C22orf31: variants seen among roughly 807,000 people sequenced by gnomAD.
C22orf31 encodes the protein chromosome 22 open reading frame 31.
C22orf31 carries 11 observed loss-of-function variants against 15.0 expected under a neutral mutation model. The ratio of observed to expected loss-of-function variants is 0.73; its 90% CI spans 0.46 to 1.21. The LOEUF (loss-of-function observed/expected upper bound fraction) is 1.21. C22orf31 is among the 50% of genes most tolerant of loss of function. The pLI, the probability that C22orf31 is intolerant of heterozygous loss-of-function variation, is 0.00. For synonymous variants in C22orf31, 132 were observed against 133.3 expected, an observed-to-expected ratio of 0.99 and a Z score of 0.07; for missense variants, 340 against 347.2, an observed-to-expected ratio of 0.98 and a Z score of 0.17.
chr22:29,069,316 C>G, the C22orf31 span, among the ~76,000 whole-genome samples: 1 of 152,250 alleles, frequency 6.6e-6, no homozygotes, highest in East Asian at 1.9e-4. Context: ...GCCCCCTCCT[C>G]CAGGGCTCTT....
rs2037350046 is a variant in C22orf31, at chr22:29,058,964, G to A, written c.651C>T (p.Tyr217=). The A allele has an allele frequency of 6.2e-7, 1 of 1,614,116 alleles. No homozygotes were observed. Among genetic ancestry groups the A allele is most frequent in the African/African-American group, 1.3e-5 (1 of 75,060 alleles). The change falls in exon 3 of 3, where the codon TAC becomes TAT. Residue 217 remains tyrosine, a synonymous_variant. Transcript: ENST00000216071. The part of the protein sequence containing the change: ...GLPTEGYQAL[Y]HAVVEPMLWN... ...ACAGCATTGGCTCCACCACAGCGTG[G>A]TACAGAGCCTGGTAACCCTCTGTGG...
At chr22:29,072,511 A>G in the C22orf31 span, among the ~76,000 whole-genome samples, 2 of 152,226 alleles carry the variant, frequency 1.3e-5, no homozygotes, top group Non-Finnish European at 2.9e-5. Flanking sequence ...AATTGAGGTA[A>G]GAGCTATTTT....
At chr22:29,066,859 C>T in the C22orf31 span, among the ~76,000 whole-genome samples, 1 of 151,952 alleles carries the variant, frequency 6.6e-6, no homozygotes, top group Non-Finnish European at 1.5e-5. Flanking sequence ...CCGCGCCCAG[C>T]CAACGCCTCC....
chr22:29,066,054 CT>C (rs139442909), upstream of C22orf31, among the ~76,000 whole-genome samples: 13,663 of 148,460 alleles, frequency 0.092, 840 homozygotes, highest in Admixed American at 0.17. Context: ...TTCCTTCTTC[CT>C]TTTTTTTTTG....
Position 29,060,408 on chromosome 22 carries a change from C to T in C22orf31, c.432+7G>A, listed in dbSNP as rs375842465. The T allele has an allele frequency of 1.6e-5, 26 of 1,606,768 alleles. No individual in the cohort carries two copies. The highest frequency in any genetic ancestry group is 4.5e-5 in the East Asian group (2 of 44,860). On this transcript the variant is annotated splice_region_variant and intron_variant, in intron 2 of 2. Transcript: ENST00000216071. ...TCACATTTTCCCCACCACTGGTCCT[C>T]GTCTACCTCTCTGATGCCTCCTGCA...
chr22:29,060,152 C>T (rs1233706114), intron 2 of C22orf31: 1 of 238,120 alleles, frequency 4.2e-6, no homozygotes, highest in African/African-American at 2.3e-5. Context: ...CCTCCTTAGC[C>T]TCCCAAGTAG....
the C22orf31 span, among the ~76,000 whole-genome samples, chr22:29,073,431 G>A: frequency 6.6e-6 from 1 of 152,006 alleles, no homozygotes; most frequent in African/African-American, 2.4e-5. The surrounding 1 kb of genome is among the most constrained non-coding windows in gnomAD (Gnocchi z 4.4). Flanking sequence ...ACGCCCCCGG[G>A]CCCGGTACTG....
chr22:29,063,295 C>A (rs1187497174), upstream of C22orf31, among the ~76,000 whole-genome samples: 2 of 152,060 alleles, frequency 1.3e-5, no homozygotes, highest in Non-Finnish European at 2.9e-5. Context: ...CCACCCAAGA[C>A]GCTGGGATTA....
At position 29,060,544 on chromosome 22, in the gene C22orf31, G is replaced by T; in HGVS notation, c.303C>A (p.Leu101=). The change falls in exon 2 of 3, where the codon CTC becomes CTA. Residue 101 remains leucine, a synonymous_variant. Transcript: ENST00000216071. The part of the protein sequence containing the change: ...PPPCKFGEGK[L]SKRLKHKDDS... ...CGTCCTTGTGCTTTAATCTCTTCGAGAGTTTTCCTTCTCCAAACTTGCATG... is the reference window on the plus strand; with the variant it reads ...CGTCCTTGTGCTTTAATCTCTTCGATAGTTTTCCTTCTCCAAACTTGCATG... 1 of 1,614,118 alleles carries T rather than the reference G, an allele frequency of 6.2e-7. No homozygotes were observed. Among genetic ancestry groups the T allele is most frequent in the South Asian group, 1.1e-5 (1 of 91,084 alleles).
At chr22:29,070,262 A>C in the C22orf31 span, among the ~76,000 whole-genome samples, 2 of 152,088 alleles carry the variant, frequency 1.3e-5, no homozygotes, top group Non-Finnish European at 2.9e-5. Context: ...TGAAATTCTT[A>C]ATAAGTTTGG....
At chr22:29,072,175 T>G in the C22orf31 span, among the ~76,000 whole-genome samples, 1 of 152,240 alleles carries the variant, frequency 6.6e-6, no homozygotes, top group African/African-American at 2.4e-5. Flanking sequence ...GACAGGGTCT[T>G]GCTCTGTCAC....
At chr22:29,062,124 G>GAC (rs1569304955), upstream of C22orf31, among the ~76,000 whole-genome samples, 1 of 152,178 alleles carries the variant, frequency 6.6e-6, no homozygotes, top group South Asian at 2.1e-4. Flanking sequence ...AGAAACTTCT[G>GAC]AAGTCCTCAT....
At chr22:29,072,616 G>A in the C22orf31 span, among the ~76,000 whole-genome samples, 2 of 152,222 alleles carry the variant, frequency 1.3e-5, no homozygotes, top group Non-Finnish European at 2.9e-5. Context: ...GCTAAGCAAG[G>A]GAAAACAGTT....
chr22:29,060,022 T>A, intron 2 of C22orf31: 107 of 60,114 alleles, frequency 1.8e-3, no homozygotes, highest in South Asian at 2.6e-3. Flanking sequence ...TTTTCTTTTC[T>A]TTTTTTTTTT....
upstream of C22orf31, among the ~76,000 whole-genome samples, chr22:29,063,407 C>G (rs963212174): frequency 7.9e-5 from 12 of 152,170 alleles, no homozygotes; most frequent in Non-Finnish European, 1.6e-4. Context: ...CTCAAGTGAT[C>G]CACCCACCTT....
intron 1 of C22orf31, 66 bp downstream of exon 1, chr22:29,061,724 G>A: frequency 8.2e-7 from 1 of 1,212,612 alleles, no homozygotes; most frequent in Non-Finnish European, 1.2e-6. Context: ...GGATAGATTA[G>A]AATCACATAT....
At chr22:29,060,962 T>C in intron 1 of C22orf31, 119 bp from the exon 2 acceptor site, 1 of 830,316 alleles carries the variant, frequency 1.2e-6, no homozygotes, top group Non-Finnish European at 1.9e-6. Flanking sequence ...TTCCACCCAG[T>C]TCTTAGAAAT....
upstream of C22orf31, among the ~76,000 whole-genome samples, chr22:29,062,905 G>A (rs753380702): frequency 3.3e-5 from 5 of 152,064 alleles, no homozygotes; most frequent in Admixed American, 6.6e-5. Flanking sequence ...AAGAGTTTGC[G>A]AATGTCTGGA....
chr22:29,058,702 T>C lies in C22orf31; in HGVS notation c.*40A>G. On this transcript the variant is annotated 3_prime_UTR_variant, in exon 3 of 3. Transcript: ENST00000216071. ...TGCAAAGTTGTGTTTATTTTTCAGA[T>C]CTCTAGCAGAGAATACTCTAATCCC... 6.8e-7 allele frequency: 1 copy of C among 1,465,828 alleles called. No homozygotes were observed. Among genetic ancestry groups the C allele is most frequent in the Non-Finnish European group, 9.3e-7 (1 of 1,076,188 alleles). 90.8% of individuals were successfully genotyped at this position (1,465,828 alleles called of 1,614,324 possible).
Sources: gnomAD v4.1 joint callset for allele counts (sites outside exome capture counted in the v4.1 genomes callset) on GRCh38, gnomAD v4.1.1 for gene constraint, Gnocchi (gnomAD v3.1) non-coding constraint, MANE v1.5 for transcripts, NCBI Gene and HGNC (gene_info 2026-07-23, HGNC 2026-07-21) for gene names.